Variants in ZSWIM6 observed in about 807,000 individuals in gnomAD.
The protein encoded by ZSWIM6 is zinc finger SWIM domain-containing protein 6.
A neutral mutation model predicts 113.2 loss-of-function variants in ZSWIM6; 9 were observed. That is an observed-to-expected ratio of 0.08 (90% CI 0.05 to 0.14). The LOEUF (loss-of-function observed/expected upper bound fraction) is 0.14. Ranked by LOEUF, ZSWIM6 falls within the 10% of genes least tolerant of loss-of-function variation. The pLI, the probability that ZSWIM6 is intolerant of heterozygous loss-of-function variation, is 1.00. For missense variants in ZSWIM6, 1,162 were observed against 1,552.2 expected (o/e 0.75, Z 4.22); for synonymous variants, 611 against 606.5 (o/e 1.01, Z -0.11).
At chr5:61,402,165 CTG>C (rs1422791077) in intron 1 of ZSWIM6, among the ~76,000 whole-genome samples, 2 of 152,080 alleles carry the variant, frequency 1.3e-5, no homozygotes, top group African/African-American at 4.8e-5. Context: ...GTAGATATTT[CTG>C]TGTTTGGGAT....
Position 61,332,297 on chromosome 5 carries a change from C to T in ZSWIM6, c.25C>T (p.Pro9Ser). 8.6e-7 allele frequency: 1 copy of T among 1,168,678 alleles called. No individual in the cohort carries two copies. Among genetic ancestry groups the T allele is most frequent in the Non-Finnish European group, 1.1e-6 (1 of 947,302 alleles). 72.4% of individuals were successfully genotyped at this position (1,168,678 alleles called of 1,614,324 possible). The change falls in exon 1 of 14, where the codon CCT becomes TCT. Residue 9 changes from proline to serine, a missense_variant. Transcript: ENST00000252744. MAERGQQP[P>S]PAKRLCCRPG... Reference sequence around the variant, plus strand: ...CATGGCGGAGCGCGGACAGCAGCCTCCTCCCGCGAAACGGCTTTGCTGCCG... The same window carrying T: ...CATGGCGGAGCGCGGACAGCAGCCTTCTCCCGCGAAACGGCTTTGCTGCCG...
intron 1 of ZSWIM6, among the ~76,000 whole-genome samples, chr5:61,399,017 G>C (rs1369537629): frequency 7.1e-6 from 1 of 141,056 alleles, no homozygotes; most frequent in Non-Finnish European, 1.5e-5. Context: ...CCGCCTCCTG[G>C]TTTCAAGTGA....
chr5:61,337,502 T>C (rs948541269), intron 1 of ZSWIM6, among the ~76,000 whole-genome samples: 3 of 152,234 alleles, frequency 2.0e-5, no homozygotes, highest in Non-Finnish European at 2.9e-5. Flanking sequence ...ATGTTCTGTA[T>C]AGTGATGCTC....
intron 1 of ZSWIM6, among the ~76,000 whole-genome samples, chr5:61,471,788 TCTAATTGTCTTCCACAAAACTGGTCC>T (rs1349248876): frequency 6.6e-6 from 1 of 152,186 alleles, no homozygotes; most frequent in Non-Finnish European, 1.5e-5. Context: ...TGGAAAATTA[TCTAATTGTCTTCCACAAAACTGGTCC>T]CTGGTGCGAA....
intron 1 of ZSWIM6, among the ~76,000 whole-genome samples, chr5:61,372,007 AAGAG>A (rs1745274840): frequency 6.6e-6 from 1 of 150,740 alleles, no homozygotes; most frequent in Non-Finnish European, 1.5e-5. Context: ...ATGTCTACAG[AAGAG>A]ATTTTTTTTT....
intron 1 of ZSWIM6, among the ~76,000 whole-genome samples, chr5:61,402,843 A>G (rs1339480002): frequency 6.6e-6 from 1 of 152,206 alleles, no homozygotes; most frequent in African/African-American, 2.4e-5. Context: ...CACTGTATTT[A>G]TAGTTGAACC....
At position 61,530,073 on chromosome 5, in the gene ZSWIM6, C is replaced by T; in HGVS notation, c.1859C>T (p.Thr620Ile). The change falls in exon 8 of 14, where the codon ACC (threonine) becomes ATC (isoleucine). Residue 620 changes from threonine to isoleucine, a missense_variant. By Grantham distance (89) the Thr-to-Ile change is moderately conservative. Around this residue, in one of 4 missense-constraint regions of ZSWIM6, gnomAD observed 620 missense variants for 804.6 expected, o/e 0.77. Coordinates refer to ENST00000252744, the MANE Select transcript of ZSWIM6 (RefSeq NM_020928.2). ...QKKELPHKNI[T>I]SITNLEGWVG... ...ACAGAGCTACCCCATAAAAACATAA[C>T]CTCGATAACCAATCTGGAGGGCTGG... The T allele has an allele frequency of 3.2e-6, 5 of 1,551,318 alleles. No homozygotes were observed. Among genetic ancestry groups the T allele is most frequent in the Middle Eastern group, 1.7e-4 (1 of 5,988 alleles).
At chr5:61,531,841 T>A in intron 9 of ZSWIM6, 116 bp downstream of exon 9, 1 of 1,164,848 alleles carries the variant, frequency 8.6e-7, no homozygotes, top group Non-Finnish European at 1.2e-6. Context: ...CTGATTGCTA[T>A]AGTCATGGGG....
At chr5:61,514,580 T>A (rs1250620870) in intron 4 of ZSWIM6, among the ~76,000 whole-genome samples, 1 of 152,174 alleles carries the variant, frequency 6.6e-6, no homozygotes, top group Non-Finnish European at 1.5e-5. Context: ...TGCTTTATCA[T>A]GAAGGAATGT....
At chr5:61,542,310 C>T (rs1490994543) in intron 13 of ZSWIM6, among the ~76,000 whole-genome samples, 3 of 152,150 alleles carry the variant, frequency 2.0e-5, no homozygotes, top group Non-Finnish European at 2.9e-5. Flanking sequence ...TGGTATCCAG[C>T]AGAGAAGTGA....
At chr5:61,393,576 A>G (rs1745775351) in intron 1 of ZSWIM6, among the ~76,000 whole-genome samples, 1 of 152,040 alleles carries the variant, frequency 6.6e-6, no homozygotes, top group Non-Finnish European at 1.5e-5. Context: ...TTGTGCCTTT[A>G]AAAACCTACT....
rs748728822 is a variant in ZSWIM6, at chr5:61,375,069, C to T, written c.676+42121C>T. On this transcript the variant is annotated intron_variant, in intron 1 of 13. Coordinates refer to ENST00000252744, the MANE Select transcript of ZSWIM6 (RefSeq NM_020928.2). ...GATATTAAAGGGTAAGTCTCTCCGG[C>T]CCGGTTTCCCTCGGTGTGCTACTGT... is the stretch of plus-strand genomic sequence containing the variant. 6 of 1,564,966 alleles carry T rather than the reference C, an allele frequency of 3.8e-6. No individual in the cohort carries two copies. In the East Asian group the frequency reaches 6.7e-5, roughly 18 times the overall value.
intron 1 of ZSWIM6, among the ~76,000 whole-genome samples, chr5:61,359,746 G>A (rs1744992068): frequency 6.6e-6 from 1 of 152,082 alleles, no homozygotes; most frequent in South Asian, 2.1e-4. Context: ...GGGCCAGGTA[G>A]TGATCTAAAG....
At position 61,332,263 on chromosome 5, in the gene ZSWIM6, C is replaced by T. The variant is rs1744262971; in HGVS notation, c.-10C>T. 6.9e-6 allele frequency: 8 copies of T among 1,164,542 alleles called. No homozygotes were observed. In the South Asian group the frequency reaches 1.7e-4, roughly 24 times the overall value. 72.1% of individuals were successfully genotyped at this position (1,164,542 alleles called of 1,614,324 possible). A position where few individuals can be genotyped will look rare whatever the true frequency, so the allele number is the denominator to read the frequency against. ...GGCACTTCCGCTGTCGGGTTAGAAG[C>T]GGCGCGGTCATGGCGGAGCGCGGAC... On this transcript the variant is annotated 5_prime_UTR_variant, in exon 1 of 14. Transcript: ENST00000252744.
intron 1 of ZSWIM6, among the ~76,000 whole-genome samples, chr5:61,459,168 A>G (rs972611747): frequency 6.6e-6 from 1 of 152,216 alleles, no homozygotes; most frequent in Non-Finnish European, 1.5e-5. Flanking sequence ...TGTAAAATTT[A>G]TTTTAAATCC....
intron 1 of ZSWIM6, among the ~76,000 whole-genome samples, chr5:61,334,121 A>G (rs1384858610): frequency 1.3e-5 from 2 of 152,244 alleles, no homozygotes; most frequent in Non-Finnish European, 2.9e-5. Context: ...CAAAGGCGAG[A>G]GAAGGACTTG....
chr5:61,362,312 C>A (rs1044861887), intron 1 of ZSWIM6, among the ~76,000 whole-genome samples: 1 of 152,038 alleles, frequency 6.6e-6, no homozygotes, highest in Non-Finnish European at 1.5e-5. Context: ...AATTCTCGTG[C>A]CTCAGCCACC....
At chr5:61,535,309 A>G (rs1427390314) in intron 9 of ZSWIM6, among the ~76,000 whole-genome samples, 175 bp from the exon 10 acceptor site, 1 of 152,180 alleles carries the variant, frequency 6.6e-6, no homozygotes, top group Non-Finnish European at 1.5e-5. Context: ...TCTGTAACGG[A>G]TGCTATACCC....
At chr5:61,356,053 C>G (rs1054910893) in intron 1 of ZSWIM6, among the ~76,000 whole-genome samples, 2 of 152,166 alleles carry the variant, frequency 1.3e-5, no homozygotes, top group African/African-American at 4.8e-5. Flanking sequence ...AATCTAAACA[C>G]TGTAGTGATT....
Sources: gnomAD v4.1 joint callset for allele counts (sites outside exome capture counted in the v4.1 genomes callset) on GRCh38, gnomAD v4.1.1 for gene constraint, gnomAD v4.1.1 regional missense constraint, MANE v1.5 for transcripts, NCBI Gene and HGNC (gene_info 2026-07-23, HGNC 2026-07-21) for gene names.